SGCG: variants seen among roughly 807,000 people sequenced by gnomAD.
SGCG encodes the protein gamma-sarcoglycan.
SGCG carries 26 observed loss-of-function variants against 29.3 expected under a neutral mutation model. The observed-to-expected ratio is 0.89, with a 90% CI of 0.65 to 1.23. The LOEUF (loss-of-function observed/expected upper bound fraction) is 1.23. Among genes scored for constraint, SGCG ranks in the 50% most tolerant of loss-of-function variants. The probability of loss-of-function intolerance (pLI) is 0.00; values close to 1 mark genes in which losing one functional copy is unlikely to be tolerated. For synonymous variants in SGCG, 145 were observed against 129.7 expected, an observed-to-expected ratio of 1.12 and a Z score of -0.80; for missense variants, 353 against 356.0, an observed-to-expected ratio of 0.99 and a Z score of 0.07.
intron 5 of SGCG, among the ~76,000 whole-genome samples, chr13:23,286,560 C>T (rs1419410244): frequency 2.0e-5 from 3 of 152,212 alleles, no homozygotes; most frequent in Non-Finnish European, 4.4e-5. Flanking sequence ...CCAGGGGATA[C>T]CTCAAGCTGC....
intron 4 of SGCG, among the ~76,000 whole-genome samples, chr13:23,253,062 T>A (rs1880038419): frequency 6.6e-6 from 1 of 151,936 alleles, no homozygotes; most frequent in Non-Finnish European, 1.5e-5. Flanking sequence ...CCAGGGGTTT[T>A]AAAGGTTTTG....
At position 23,282,716 on chromosome 13, in the gene SGCG, T is replaced by C. The variant is rs544104483; in HGVS notation, c.505+3238T>C. On this transcript the variant is annotated intron_variant, in intron 5 of 7. Transcript: ENST00000218867. The stretch of plus-strand genomic sequence containing the variant: ...TTCCACATTTTCTTTATCCAGTCTG[T>C]TACTGATGAGCATTTACGGTGATTC... Among the ~76,000 whole-genome samples the C allele has an allele frequency of 1.0e-3, 157 of 152,270 alleles. 1 individual carries two copies. Among genetic ancestry groups the C allele is most frequent in the African/African-American group, 3.6e-3 (150 of 41,564 alleles).
At chr13:23,301,597 A>C (rs1882159158) in intron 6 of SGCG, among the ~76,000 whole-genome samples, 1 of 152,192 alleles carries the variant, frequency 6.6e-6, no homozygotes. Flanking sequence ...ATTAATAAGA[A>C]TCAATGGGGT....
chr13:23,249,955 A>G (rs1879897959), intron 3 of SGCG, among the ~76,000 whole-genome samples: 1 of 152,232 alleles, frequency 6.6e-6, no homozygotes, highest in African/African-American at 2.4e-5. Context: ...TGTTTGTTTT[A>G]AATAATCAAC....
chr13:23,299,445 TATATA>T lies in SGCG; in HGVS notation c.578+3959_578+3963del, dbSNP rs1402983402. On this transcript the variant is annotated intron_variant, in intron 6 of 7. Coordinates refer to ENST00000218867, the MANE Select transcript of SGCG (RefSeq NM_000231.3). Reference sequence around the variant, plus strand: ...ATATATATATATATATATATATATATATATATATATATTTTTTTTTTTTTTTTAGT... The same window carrying T: ...ATATATATATATATATATATATATATTATATATTTTTTTTTTTTTTTTAGT... Among the ~76,000 whole-genome samples the T allele has an allele frequency of 8.6e-3, 213 of 24,742 alleles. 24 individuals carry two copies. The highest frequency in any genetic ancestry group is 0.023 in the African/African-American group (161 of 7,134). 16.2% of individuals were successfully genotyped at this position (24,742 alleles called of 152,430 possible).
chr13:23,270,030 A>G (rs953855759), intron 4 of SGCG, among the ~76,000 whole-genome samples: 7 of 151,916 alleles, frequency 4.6e-5, no homozygotes, highest in African/African-American at 1.2e-4. Context: ...GCCCGCCACC[A>G]TGCCGGGCTA....
intron 6 of SGCG, among the ~76,000 whole-genome samples, chr13:23,314,195 G>T (rs554787142): frequency 0.012 from 1,186 of 99,048 alleles, 5 homozygotes; most frequent in Non-Finnish European, 0.022. Context: ...TATATAGAGA[G>T]AGAGAGAGAG....
At chr13:23,280,185 C>G (rs562176947) in intron 5 of SGCG, among the ~76,000 whole-genome samples, 5 of 152,092 alleles carry the variant, frequency 3.3e-5, no homozygotes, top group Admixed American at 6.6e-5. Flanking sequence ...TCTTTTTGAA[C>G]TAAAAGTTGA....
intron 1 of SGCG, among the ~76,000 whole-genome samples, chr13:23,194,572 T>C (rs1877409539): frequency 6.6e-6 from 1 of 152,206 alleles, no homozygotes; most frequent in African/African-American, 2.4e-5. Flanking sequence ...CAGTGCAGTG[T>C]TAGGTCCATT....
chr13:23,307,142 C>A (rs1211234914), intron 6 of SGCG, among the ~76,000 whole-genome samples: 1 of 152,144 alleles, frequency 6.6e-6, no homozygotes, highest in African/African-American at 2.4e-5. Flanking sequence ...AACAAAGTTA[C>A]TGAAACAGAG....
At chr13:23,319,292 T>TC (rs1384781672) in intron 6 of SGCG, among the ~76,000 whole-genome samples, 5 of 133,604 alleles carry the variant, frequency 3.7e-5, no homozygotes, top group Non-Finnish European at 6.5e-5. Context: ...AGAGCAAGAC[T>TC]CCGTCTCAAA....
At chr13:23,322,246 C>T (rs1883064325) in intron 7 of SGCG, among the ~76,000 whole-genome samples, 1 of 152,158 alleles carries the variant, frequency 6.6e-6, no homozygotes, top group Non-Finnish European at 1.5e-5. Flanking sequence ...ATAGGGATGG[C>T]ACCACGTCCA....
chr13:23,318,216 G>A (rs867292847), intron 6 of SGCG, among the ~76,000 whole-genome samples: 4 of 119,566 alleles, frequency 3.3e-5, no homozygotes, highest in Non-Finnish European at 3.9e-5. Context: ...TACTAGTTAT[G>A]TCCTACTAGT....
chr13:23,292,977 T>C (rs1881773390), intron 5 of SGCG, among the ~76,000 whole-genome samples: 1 of 152,176 alleles, frequency 6.6e-6, no homozygotes, highest in Non-Finnish European at 1.5e-5. Context: ...TGAATACATA[T>C]CATTATACAA....
chr13:23,322,740 C>T (rs9552926), intron 7 of SGCG, among the ~76,000 whole-genome samples: 10,874 of 105,522 alleles, frequency 0.1, 710 homozygotes, highest in Admixed American at 0.15. Context: ...GCACCTGCGG[C>T]GATGCACAGA....
chr13:23,198,490 G>C (rs1389251129), intron 1 of SGCG, among the ~76,000 whole-genome samples: 1 of 152,054 alleles, frequency 6.6e-6, no homozygotes, highest in Non-Finnish European at 1.5e-5. Flanking sequence ...TTCACATCTG[G>C]AGCCCTATCC....
chr13:23,232,725 T>A (rs967551461), intron 2 of SGCG, among the ~76,000 whole-genome samples: 1 of 152,080 alleles, frequency 6.6e-6, no homozygotes, highest in Non-Finnish European at 1.5e-5. Context: ...GAGCTTGCAG[T>A]GAGCTGAGAT....
intron 4 of SGCG, chr13:23,268,900 A>AG (rs991763200): frequency 1.6e-4 from 3 of 18,500 alleles, no homozygotes; most frequent in African/African-American, 2.7e-4. Flanking sequence ...TGAACGCTTT[A>AG]AAAAAAAAAA....
intron 6 of SGCG, among the ~76,000 whole-genome samples, chr13:23,315,627 C>T (rs1882776603): frequency 6.6e-6 from 1 of 152,190 alleles, no homozygotes; most frequent in Non-Finnish European, 1.5e-5. Context: ...CCCTGAAGGA[C>T]AGCAGTGAAG....
Sources: gnomAD v4.1 joint callset for allele counts (sites outside exome capture counted in the v4.1 genomes callset) on GRCh38, gnomAD v4.1.1 for gene constraint, MANE v1.5 for transcripts, NCBI Gene and HGNC (gene_info 2026-07-23, HGNC 2026-07-21) for gene names.